The following ARHGEF7 variants were observed in gnomAD, a reference collection of about 807,000 sequenced individuals.
ARHGEF7 encodes the protein Rho guanine nucleotide exchange factor 7, also known as PAK-interacting exchange factor beta.
ARHGEF7 carries 33 observed loss-of-function variants against 109.8 expected under a neutral mutation model. That is an observed-to-expected ratio of 0.30 (90% CI 0.23 to 0.40). The LOEUF (loss-of-function observed/expected upper bound fraction) is 0.40. Among genes scored for constraint, ARHGEF7 ranks in the 10% least tolerant of loss-of-function variants. The pLI is 1.00. For missense variants in ARHGEF7, 938 were observed against 1,098.5 expected (o/e 0.85, Z 2.07); for synonymous variants, 458 against 424.6 (o/e 1.08, Z -0.97).
At chr13:111,250,718 A>G (rs535573819) in intron 8 of ARHGEF7, among the ~76,000 whole-genome samples, 1 of 152,332 alleles carries the variant, frequency 6.6e-6, no homozygotes, top group Admixed American at 6.5e-5. Context: ...CTGACTGAGT[A>G]CAGATTTGAG....
intron 2 of ARHGEF7, among the ~76,000 whole-genome samples, chr13:111,159,575 AT>A (rs1249687259): frequency 6.6e-6 from 1 of 152,178 alleles, no homozygotes; most frequent in Non-Finnish European, 1.5e-5. Flanking sequence ...GATAATAGCC[AT>A]TCTACAGTTG....
At chr13:111,284,150 T>C (rs2092916936) in intron 16 of ARHGEF7, among the ~76,000 whole-genome samples, 1 of 152,040 alleles carries the variant, frequency 6.6e-6, no homozygotes, top group Non-Finnish European at 1.5e-5. Context: ...GTGGGTATCG[T>C]GCGCGTCAGT....
chr13:111,168,370 T>C (rs2077304788), intron 2 of ARHGEF7, among the ~76,000 whole-genome samples: 2 of 152,180 alleles, frequency 1.3e-5, no homozygotes. Flanking sequence ...CTGTTGCCAT[T>C]CCAGGCTCAG....
At chr13:111,210,024 A>C in intron 4 of ARHGEF7, 22 bp downstream of exon 4, 1 of 1,614,060 alleles carries the variant, frequency 6.2e-7, no homozygotes, top group South Asian at 1.1e-5. Context: ...AGATTTTGTT[A>C]CTTAAATATG....
chr13:111,234,877 T>C (rs2086588762), intron 6 of ARHGEF7, among the ~76,000 whole-genome samples: 1 of 152,146 alleles, frequency 6.6e-6, no homozygotes. Flanking sequence ...CTCCTAGTGC[T>C]CTGCATCGCC....
chr13:111,206,232 GA>G (rs141547309), intron 3 of ARHGEF7, among the ~76,000 whole-genome samples: 173 of 151,826 alleles, frequency 1.1e-3, no homozygotes, highest in African/African-American at 3.5e-3. Flanking sequence ...TGGCCCTTCA[GA>G]GGGGGGGGTG....
chr13:111,148,323 A>G (rs2075718811), intron 1 of ARHGEF7, among the ~76,000 whole-genome samples: 1 of 152,254 alleles, frequency 6.6e-6, no homozygotes, highest in Non-Finnish European at 1.5e-5. Context: ...GTGACACAAC[A>G]TATTTGTTAT....
intron 8 of ARHGEF7, among the ~76,000 whole-genome samples, chr13:111,267,070 G>T (rs1015380046): frequency 6.6e-6 from 1 of 152,128 alleles, no homozygotes; most frequent in Non-Finnish European, 1.5e-5. Context: ...TTAACTGTCA[G>T]GATGCTGTGG....
intron 2 of ARHGEF7, among the ~76,000 whole-genome samples, chr13:111,192,881 AACAC>A (rs1005848525): frequency 1.7e-4 from 26 of 152,330 alleles, no homozygotes; most frequent in African/African-American, 6.0e-4. Context: ...TAGAGGTATC[AACAC>A]ACACCAATAA....
At chr13:111,250,806 C>G (rs1298918930) in intron 8 of ARHGEF7, among the ~76,000 whole-genome samples, 2 of 152,140 alleles carry the variant, frequency 1.3e-5, no homozygotes, top group Non-Finnish European at 1.5e-5. Flanking sequence ...GCTTGACTTC[C>G]TGGTACCAGT....
intron 19 of ARHGEF7, chr13:111,293,853 G>A (rs1004669866): frequency 4.1e-6 from 4 of 985,232 alleles, no homozygotes; most frequent in African/African-American, 1.7e-5. Context: ...TGCAGTATCA[G>A]TCTTGTCCTG....
intron 19 of ARHGEF7, among the ~76,000 whole-genome samples, chr13:111,296,790 A>G (rs1158034510): frequency 6.6e-6 from 1 of 152,222 alleles, no homozygotes; most frequent in Non-Finnish European, 1.5e-5. Context: ...TACTGTGCTA[A>G]GGGTGCGCTG....
rs780343835 is a variant in ARHGEF7, at chr13:111,233,221, C to T, written c.687C>T (p.Pro229=). 1 of 1,613,740 alleles carries T rather than the reference C, an allele frequency of 6.2e-7. No homozygotes were observed. The highest frequency in any genetic ancestry group is 1.7e-5 in the Admixed American group (1 of 60,000). The change falls in exon 6 of 22, where the codon CCC becomes CCT. Residue 229 remains proline (P), a synonymous_variant. Coordinates refer to ENST00000646102, the MANE Select transcript of ARHGEF7 (RefSeq NM_001354046.2). ...EVKASEKPVS[P]KSGTLKSPPK... ...TCATTTCAGAGAAGCCTGTGTCTCC[C>T]AAATCAGGAACACTGAAGAGCCCTC... is the stretch of plus-strand genomic sequence containing the variant.
intron 1 of ARHGEF7, among the ~76,000 whole-genome samples, chr13:111,123,014 G>T (rs981251660): frequency 2.6e-5 from 4 of 152,210 alleles, no homozygotes; most frequent in African/African-American, 9.7e-5. Flanking sequence ...AGAAGGGTTG[G>T]GGTAGACGAT....
intron 12 of ARHGEF7, 25 bp from the exon 13 acceptor site, chr13:111,277,561 GT>G: frequency 2.1e-6 from 3 of 1,438,792 alleles, no homozygotes; most frequent in Non-Finnish European, 2.9e-6. Flanking sequence ...TTTAAGAAAT[GT>G]TTTGGATTTC....
chr13:111,134,623 C>T (rs1343732322), intron 1 of ARHGEF7, among the ~76,000 whole-genome samples: 2 of 152,158 alleles, frequency 1.3e-5, no homozygotes, highest in Admixed American at 6.5e-5. Flanking sequence ...ATCCTTCACC[C>T]ACTTTTTGAT....
At chr13:111,176,905 T>TACCA (rs767833297) in intron 2 of ARHGEF7, among the ~76,000 whole-genome samples, 93 of 152,308 alleles carry the variant, frequency 6.1e-4, no homozygotes, top group Non-Finnish European at 9.6e-4. Flanking sequence ...TACAGGCGTG[T>TACCA]ACCACCACGC....
chr13:111,221,514 G>A (rs370270881), intron 5 of ARHGEF7, among the ~76,000 whole-genome samples: 1 of 48,392 alleles, frequency 2.1e-5, no homozygotes, highest in Non-Finnish European at 3.8e-5. Flanking sequence ...TATATATATA[G>A]ATATATATCT....
chr13:111,231,132 T>G (rs543076095), intron 5 of ARHGEF7, among the ~76,000 whole-genome samples: 2 of 152,252 alleles, frequency 1.3e-5, no homozygotes, highest in South Asian at 4.2e-4. Flanking sequence ...TGGCTGTGAT[T>G]GAGGTGTGGA....
Sources: gnomAD v4.1 joint callset for allele counts (sites outside exome capture counted in the v4.1 genomes callset) on GRCh38, gnomAD v4.1.1 for gene constraint, MANE v1.5 for transcripts, NCBI Gene and HGNC (gene_info 2026-07-23, HGNC 2026-07-21) for gene names.